Variants in GRIN3A observed in about 807,000 individuals in gnomAD.
The protein encoded by GRIN3A is glutamate ionotropic receptor NMDA type subunit 3A.
A neutral mutation model predicts 92.4 loss-of-function variants in GRIN3A; 47 were observed. That is an observed-to-expected ratio of 0.51 (90% confidence interval 0.40 to 0.65). The LOEUF (loss-of-function observed/expected upper bound fraction) is 0.65. Ranked by LOEUF, GRIN3A falls within the 30% of genes least tolerant of loss-of-function variation. GRIN3A has a pLI of 0.00. For synonymous variants in GRIN3A, 527 were observed against 540.6 expected (o/e 0.97, Z 0.35); for missense variants, 1,324 against 1,393.1 (o/e 0.95, Z 0.79).
At chr9:101,736,063 C>G (rs549390612) in intron 1 of GRIN3A, among the ~76,000 whole-genome samples, 1 of 152,280 alleles carries the variant, frequency 6.6e-6, no homozygotes, top group South Asian at 2.1e-4. Flanking sequence ...ATTGCCCTTA[C>G]TCATTTTAGT....
intron 2 of GRIN3A, among the ~76,000 whole-genome samples, chr9:101,685,771 A>T (rs879056190): frequency 2.0e-5 from 3 of 151,432 alleles, no homozygotes; most frequent in Non-Finnish European, 2.9e-5. Context: ...ACTCTTATGG[A>T]ACTCTTAGTT....
intron 6 of GRIN3A, among the ~76,000 whole-genome samples, chr9:101,586,614 A>T (rs569095516): frequency 2.7e-3 from 418 of 152,292 alleles, no homozygotes; most frequent in Middle Eastern, 0.01. Flanking sequence ...GGGACAAAAA[A>T]TTTTTTAAAT....
At chr9:101,702,292 ACTCTAAT>A (rs1829765698) in intron 1 of GRIN3A, among the ~76,000 whole-genome samples, 1 of 151,994 alleles carries the variant, frequency 6.6e-6, no homozygotes, top group Non-Finnish European at 1.5e-5. Flanking sequence ...ACAGAGTGAG[ACTCTAAT>A]CTCCAAAAAA....
intron 1 of GRIN3A, among the ~76,000 whole-genome samples, chr9:101,689,808 G>A (rs967527624): frequency 2.0e-5 from 3 of 151,112 alleles, no homozygotes; most frequent in African/African-American, 4.9e-5. Flanking sequence ...TAAAATTCAA[G>A]CCTGATAGTA....
At chr9:101,636,988 G>A (rs997234163) in intron 3 of GRIN3A, among the ~76,000 whole-genome samples, 5 of 152,196 alleles carry the variant, frequency 3.3e-5, no homozygotes, top group Non-Finnish European at 7.3e-5. Flanking sequence ...GCCCTTGGGG[G>A]TTCAAACATT....
intron 6 of GRIN3A, among the ~76,000 whole-genome samples, chr9:101,604,095 C>T (rs1828244627): frequency 6.6e-6 from 1 of 151,960 alleles, no homozygotes; most frequent in African/African-American, 2.4e-5. Context: ...CTGCACCCAG[C>T]ATGGGACATG....
intron 5 of GRIN3A, among the ~76,000 whole-genome samples, chr9:101,620,613 G>T (rs771845415): frequency 3.3e-5 from 5 of 152,068 alleles, no homozygotes; most frequent in Admixed American, 6.5e-5. Context: ...GAGTGAATTA[G>T]GTACCTATTT....
At chr9:101,709,980 A>G (rs1272936266) in intron 1 of GRIN3A, among the ~76,000 whole-genome samples, 1 of 152,152 alleles carries the variant, frequency 6.6e-6, no homozygotes, top group African/African-American at 2.4e-5. Flanking sequence ...ACGTAAACCT[A>G]TTCTACATAA....
intron 1 of GRIN3A, among the ~76,000 whole-genome samples, chr9:101,695,914 C>T (rs1323637331): frequency 6.6e-6 from 1 of 152,126 alleles, no homozygotes; most frequent in East Asian, 1.9e-4. Context: ...TGCATTTTCT[C>T]TCTTTCTTGC....
chr9:101,596,488 G>C (rs993177021), intron 6 of GRIN3A, among the ~76,000 whole-genome samples: 1 of 152,038 alleles, frequency 6.6e-6, no homozygotes, highest in Non-Finnish European at 1.5e-5. Context: ...AATCAGTGTT[G>C]GTCTCTAAAT....
intron 3 of GRIN3A, among the ~76,000 whole-genome samples, chr9:101,665,086 T>C (rs1036451621): frequency 6.6e-6 from 1 of 151,928 alleles, no homozygotes; most frequent in Non-Finnish European, 1.5e-5. Flanking sequence ...GCTAGAAATA[T>C]AAACTATTTA....
At chr9:101,656,963 C>G (rs566565983) in intron 3 of GRIN3A, among the ~76,000 whole-genome samples, 23 of 151,794 alleles carry the variant, frequency 1.5e-4, no homozygotes, top group Non-Finnish European at 2.4e-4. Context: ...TTCATCAAAC[C>G]GCCCAGTGAT....
rs1174210130 is a variant in GRIN3A at position 101,569,734 on chromosome 9, G to A, written c.*3440C>T. The stretch of plus-strand genomic sequence containing the variant: ...TATTAATGCCTAGAAAGCAATTTCT[G>A]AAGAACTGGATGGGTTTTCTGTTTT... On this transcript the variant is annotated 3_prime_UTR_variant, in exon 9 of 9. Transcript: ENST00000361820. The A allele has an allele frequency of 6.6e-6, 1 of 152,166 alleles. No individual in the cohort carries two copies. The allele number at this position is 152,166 out of a possible 1,614,324, so 9.4% of individuals were successfully genotyped here.
At chr9:101,697,796 G>A (rs893567313) in intron 1 of GRIN3A, among the ~76,000 whole-genome samples, 4 of 152,104 alleles carry the variant, frequency 2.6e-5, no homozygotes, top group East Asian at 1.9e-4. Flanking sequence ...TGAATTAGAG[G>A]CATTTCTCTT....
chr9:101,656,792 G>C (rs10819968), intron 3 of GRIN3A, among the ~76,000 whole-genome samples: 51,110 of 151,652 alleles, frequency 0.34, 9,488 homozygotes, highest in Non-Finnish European at 0.42. Context: ...GTTGGGGAAA[G>C]ACAAGGAAAA....
chr9:101,618,350 G>GA (rs1002240004), intron 5 of GRIN3A, among the ~76,000 whole-genome samples: 5 of 151,652 alleles, frequency 3.3e-5, no homozygotes, highest in African/African-American at 1.2e-4. Context: ...AAATTTACAA[G>GA]AAAAAAACAA....
At chr9:101,590,825 T>A (rs1333013233) in intron 6 of GRIN3A, among the ~76,000 whole-genome samples, 1 of 152,232 alleles carries the variant, frequency 6.6e-6, no homozygotes, top group African/African-American at 2.4e-5. Flanking sequence ...TTATACTTTT[T>A]TTAAATAAAA....
At chr9:101,715,524 A>G (rs912366591) in intron 1 of GRIN3A, among the ~76,000 whole-genome samples, 3 of 152,144 alleles carry the variant, frequency 2.0e-5, no homozygotes, top group Non-Finnish European at 4.4e-5. Context: ...ACAAATTAAG[A>G]GTGATTGTCT....
At chr9:101,603,879 A>G (rs1388698143) in intron 6 of GRIN3A, among the ~76,000 whole-genome samples, 2 of 152,248 alleles carry the variant, frequency 1.3e-5, no homozygotes, top group Non-Finnish European at 1.5e-5. Context: ...TTCTTCCGCT[A>G]CAGGGGTTAC....
Sources: allele counts gnomAD v4.1 joint callset (sites outside exome capture counted in the v4.1 genomes callset), GRCh38; gene constraint gnomAD v4.1.1; transcripts MANE v1.5; gene names NCBI Gene and HGNC (gene_info 2026-07-23, HGNC 2026-07-21).